PCDHGB5: variants seen among roughly 807,000 people sequenced by gnomAD.
PCDHGB5 encodes the protein protocadherin gamma subfamily B, 5.
In PCDHGB5, 48 loss-of-function variants were observed where a neutral mutation model predicts 62.9. That is an observed-to-expected ratio of 0.76 (90% CI 0.61 to 0.97). PCDHGB5 has a LOEUF of 0.97. PCDHGB5 is among the 50% of genes least tolerant of loss of function. PCDHGB5 has a pLI of 0.00. For missense variants in PCDHGB5, 1,118 were observed against 1,198.6 expected (o/e 0.93, Z 0.99); for synonymous variants, 474 against 511.2 (o/e 0.93, Z 0.98).
intron 1 of PCDHGB5, chr5:141,424,572 T>C (rs1272121500): frequency 6.6e-6 from 1 of 152,238 alleles, no homozygotes; most frequent in East Asian, 1.9e-4. Context: ...CAAAAACCTA[T>C]TTTCAAATGT....
intron 1 of PCDHGB5, chr5:141,433,288 G>A (rs2097582001): frequency 5.3e-6 from 6 of 1,136,424 alleles, no homozygotes; most frequent in Non-Finnish European, 7.5e-6. Flanking sequence ...CAAACTCCTA[G>A]GCTCAAGCAA....
intron 1 of PCDHGB5, chr5:141,418,665 A>G: frequency 6.2e-7 from 1 of 1,614,070 alleles, no homozygotes; most frequent in Middle Eastern, 1.6e-4. Flanking sequence ...GCCACTGACC[A>G]GGACGAGGGC....
chr5:141,496,132 C>T (rs865808904), intron 2 of PCDHGB5, among the ~76,000 whole-genome samples: 1 of 152,058 alleles, frequency 6.6e-6, no homozygotes, highest in African/African-American at 2.4e-5. Flanking sequence ...CCCTCACACA[C>T]TGAGCCTTTG....
At position 141,491,134 on chromosome 5, in the gene PCDHGB5, C is replaced by T. The variant is rs1594979273; in HGVS notation, c.2398-3673C>T. Reference sequence around the variant, plus strand: ...ACACACTGGTGAGGTGCGCACAGCCCGGGCCTTACTGGAGGATGACTCTGA... The same window carrying T: ...ACACACTGGTGAGGTGCGCACAGCCTGGGCCTTACTGGAGGATGACTCTGA... On this transcript the variant is annotated intron_variant, in intron 1 of 3. Transcript: ENST00000617380. The surrounding 1 kb of genome is among the most constrained non-coding windows in gnomAD (Gnocchi z 6.9). The T allele has an allele frequency of 6.2e-7, 1 of 1,614,138 alleles. No homozygotes were observed. Among genetic ancestry groups the T allele is most frequent in the Non-Finnish European group, 8.5e-7 (1 of 1,179,994 alleles).
Position 141,477,966 on chromosome 5 carries a change from G to A in PCDHGB5, c.2398-16841G>A, listed in dbSNP as rs2099426792. 6.2e-7 allele frequency: 1 copy of A among 1,614,118 alleles called. No individual in the cohort carries two copies. The highest frequency in any genetic ancestry group is 8.5e-7 in the Non-Finnish European group (1 of 1,180,036). ...AGTCTCTTGGGATCCCCTAACCAGAGCCTTTTTGCCATAGGGCTGCACACT... is the reference window on the plus strand; with the variant it reads ...AGTCTCTTGGGATCCCCTAACCAGAACCTTTTTGCCATAGGGCTGCACACT... On this transcript the variant is annotated intron_variant, in intron 1 of 3. Transcript: ENST00000617380. This position sits in a 1 kb window ranked among gnomAD's most constrained non-coding sequence, Gnocchi z 4.9.
chr5:141,495,721 G>A (rs2099763243), intron 2 of PCDHGB5, among the ~76,000 whole-genome samples: 1 of 152,100 alleles, frequency 6.6e-6, no homozygotes, highest in Non-Finnish European at 1.5e-5. Context: ...TAACTACACG[G>A]GACCCTTAGT....
chr5:141,494,778 CA>C (rs1228639033), intron 1 of PCDHGB5, 28 bp from the exon 2 acceptor site: 1 of 1,614,086 alleles, frequency 6.2e-7, no homozygotes, highest in Admixed American at 1.7e-5. Flanking sequence ...CACGGGTACT[CA>C]GCCCCTTTCC....
rs763303627 is a variant in PCDHGB5 at position 141,489,719 on chromosome 5, C to T, written c.2398-5088C>T. The T allele has an allele frequency of 1.4e-5, 22 of 1,613,946 alleles. No homozygotes were observed. The highest frequency in any genetic ancestry group is 9.3e-5 in the African/African-American group (7 of 74,924). On this transcript the variant is annotated intron_variant, in intron 1 of 3. Coordinates refer to ENST00000617380, the MANE Select transcript of PCDHGB5 (RefSeq NM_018925.3). The surrounding 1 kb of genome is among the most constrained non-coding windows in gnomAD (Gnocchi z 4.5). ...TTCCCACTGGACAGTGCCCAGGATCCGGATGTGGGCACCAATACTGTGAGC... is the reference window on the plus strand; with the variant it reads ...TTCCCACTGGACAGTGCCCAGGATCTGGATGTGGGCACCAATACTGTGAGC...
chr5:141,428,731 A>G (rs1290064919), intron 1 of PCDHGB5: 1 of 159,494 alleles, frequency 6.3e-6, no homozygotes, highest in Non-Finnish European at 1.4e-5. Context: ...TCTTAAACAT[A>G]TTATATCTAC....
chr5:141,425,523 T>C (rs1260519939), intron 1 of PCDHGB5, among the ~76,000 whole-genome samples: 1 of 152,248 alleles, frequency 6.6e-6, no homozygotes, highest in Admixed American at 6.5e-5. Flanking sequence ...TGATGAAACA[T>C]GAAACAATAA....
chr5:141,470,871 T>C (rs1036871133), intron 1 of PCDHGB5, among the ~76,000 whole-genome samples: 1 of 151,822 alleles, frequency 6.6e-6, no homozygotes, highest in Admixed American at 6.6e-5. Flanking sequence ...TGTTTGTTTG[T>C]TTTTTTGTTT....
Position 141,487,243 on chromosome 5 carries a change from C to T in PCDHGB5, c.2398-7564C>T. 1 of 1,614,114 alleles carries T rather than the reference C, an allele frequency of 6.2e-7. No individual in the cohort carries two copies. The highest frequency in any genetic ancestry group is 8.5e-7 in the Non-Finnish European group (1 of 1,180,000). Reference sequence around the variant, plus strand: ...CAAGGGAAGGAGAATCTCGTCTAACCCTCTACTTGGCTGTGTCCCTAGTGG... The same window carrying T: ...CAAGGGAAGGAGAATCTCGTCTAACTCTCTACTTGGCTGTGTCCCTAGTGG... On this transcript the variant is annotated intron_variant, in intron 1 of 3. Coordinates refer to ENST00000617380, the MANE Select transcript of PCDHGB5 (RefSeq NM_018925.3). The surrounding 1 kb of genome is among the most constrained non-coding windows in gnomAD (Gnocchi z 5.0).
rs1208504589 is a variant in PCDHGB5, at chr5:141,431,631, T to C, written c.2397+31107T>C. On this transcript the variant is annotated intron_variant, in intron 1 of 3. Coordinates refer to ENST00000617380, the MANE Select transcript of PCDHGB5 (RefSeq NM_018925.3). The surrounding 1 kb of genome is among the most constrained non-coding windows in gnomAD (Gnocchi z 4.8). ...TATGTGGACGACAAGGCGGCCCAAG[T>C]TTTCAAACTAGATTGTAATTCAGGG... The C allele has an allele frequency of 6.2e-6, 10 of 1,614,132 alleles. No individual in the cohort carries two copies. Among genetic ancestry groups the C allele is most frequent in the Non-Finnish European group, 8.5e-6 (10 of 1,180,016 alleles).
intron 1 of PCDHGB5, chr5:141,409,795 G>A (rs764584425): frequency 1.2e-6 from 2 of 1,611,722 alleles, no homozygotes; most frequent in Admixed American, 1.7e-5. Context: ...TCGCGCTCAC[G>A]CTGCAGGCCC....
intron 1 of PCDHGB5, among the ~76,000 whole-genome samples, chr5:141,456,985 A>C (rs2098902590): frequency 6.6e-6 from 1 of 152,204 alleles, no homozygotes; most frequent in Non-Finnish European, 1.5e-5. Context: ...ACAAACAAAC[A>C]AACAAAAACT....
At chr5:141,496,021 G>A (rs1011612662) in intron 2 of PCDHGB5, among the ~76,000 whole-genome samples, 1 of 151,336 alleles carries the variant, frequency 6.6e-6, no homozygotes, top group Admixed American at 6.6e-5. Context: ...TTTTCTCTGA[G>A]CCTCTGTCTC....
At chr5:141,481,844 G>A (rs552753850) in intron 1 of PCDHGB5, among the ~76,000 whole-genome samples, 7 of 151,350 alleles carry the variant, frequency 4.6e-5, no homozygotes, top group Admixed American at 1.3e-4. Context: ...TCGCTTGATG[G>A]TGGAGGTTGC....
intron 1 of PCDHGB5, among the ~76,000 whole-genome samples, chr5:141,462,086 A>G (rs993185274): frequency 6.6e-6 from 1 of 151,408 alleles, no homozygotes; most frequent in Non-Finnish European, 1.5e-5. Flanking sequence ...GCCTCCCAAA[A>G]TGCTGGGATT....
chr5:141,476,601 C>A lies in PCDHGB5; in HGVS notation c.2398-18206C>A. On this transcript the variant is annotated intron_variant, in intron 1 of 3. Coordinates refer to ENST00000617380, the MANE Select transcript of PCDHGB5 (RefSeq NM_018925.3). The surrounding 1 kb of genome is among the most constrained non-coding windows in gnomAD (Gnocchi z 7.6). ...TTTCCGCTCGAGAGCGCGCACGATC[C>A]CGATGTGGGAAGCAACTCTTTACAA... The A allele has an allele frequency of 6.2e-7, 1 of 1,614,228 alleles. No homozygotes were observed. The highest frequency in any genetic ancestry group is 2.2e-5 in the East Asian group (1 of 44,878).
Sources: allele counts gnomAD v4.1 joint callset (sites outside exome capture counted in the v4.1 genomes callset), GRCh38; gene constraint gnomAD v4.1.1; non-coding constraint Gnocchi (gnomAD v3.1); transcripts MANE v1.5; gene names NCBI Gene and HGNC (gene_info 2026-07-23, HGNC 2026-07-21).